The following R3HCC1L variants were observed in gnomAD, a reference collection of about 807,000 sequenced individuals.
R3HCC1L encodes the protein coiled-coil domain-containing protein R3HCC1L.
Under a neutral mutation model 59.9 loss-of-function variants are expected in R3HCC1L, and 51 were observed. The ratio of observed to expected loss-of-function variants is 0.85; its 90% confidence interval spans 0.68 to 1.07. The LOEUF (loss-of-function observed/expected upper bound fraction) is 1.07. R3HCC1L is among the 50% of genes least tolerant of loss of function. R3HCC1L has a pLI of 0.00. For missense variants in R3HCC1L, 965 were observed against 933.0 expected (o/e 1.03, Z -0.45); for synonymous variants, 322 against 315.2 (o/e 1.02, Z -0.23).
At chr10:98,242,383 A>G (rs1396207449) in intron 9 of R3HCC1L, among the ~76,000 whole-genome samples, 1 of 152,134 alleles carries the variant, frequency 6.6e-6, no homozygotes, top group Non-Finnish European at 1.5e-5. Flanking sequence ...AACTTTCCAG[A>G]TTTTAGAAAG....
At chr10:98,214,825 G>A (rs544913692) in intron 5 of R3HCC1L, among the ~76,000 whole-genome samples, 1 of 152,302 alleles carries the variant, frequency 6.6e-6, no homozygotes, top group African/African-American at 2.4e-5. Context: ...AAAGTGGAAT[G>A]TTAGCATTTA....
chr10:98,230,284 T>G (rs61875304), intron 5 of R3HCC1L, among the ~76,000 whole-genome samples: 28,199 of 152,090 alleles, frequency 0.19, 2,747 homozygotes, highest in Non-Finnish European at 0.21. Flanking sequence ...ATTCAGAGAT[T>G]CAACTTCTTC....
At chr10:98,179,270 G>T (rs1849377187) in intron 4 of R3HCC1L, among the ~76,000 whole-genome samples, 1 of 152,192 alleles carries the variant, frequency 6.6e-6, no homozygotes, top group Non-Finnish European at 1.5e-5. Flanking sequence ...TTTTTAGCAT[G>T]AAAGGTTGTT....
chr10:98,205,132 A>G (rs1337182173), intron 4 of R3HCC1L, among the ~76,000 whole-genome samples: 1 of 152,236 alleles, frequency 6.6e-6, no homozygotes, highest in Non-Finnish European at 1.5e-5. Flanking sequence ...TTAAAATTAC[A>G]TTTTAAAAGC....
At chr10:98,212,405 G>T (rs1226908131) in intron 5 of R3HCC1L, among the ~76,000 whole-genome samples, 2 of 152,258 alleles carry the variant, frequency 1.3e-5, no homozygotes, top group East Asian at 1.9e-4. Context: ...TAATAGTCAG[G>T]TATGCTGTAG....
intron 4 of R3HCC1L, among the ~76,000 whole-genome samples, chr10:98,184,059 G>A (rs192011048): frequency 9.7e-5 from 14 of 144,982 alleles, no homozygotes; most frequent in East Asian, 2.0e-4. Context: ...TTCCTGAGAC[G>A]TGTGTGTGTG....
chr10:98,150,625 T>C (rs1472552558), intron 1 of R3HCC1L, among the ~76,000 whole-genome samples: 1 of 152,158 alleles, frequency 6.6e-6, no homozygotes, highest in African/African-American at 2.4e-5. Flanking sequence ...CTGCCCCTCC[T>C]GCATGGGAGG....
intron 4 of R3HCC1L, among the ~76,000 whole-genome samples, chr10:98,203,846 G>T (rs926954355): frequency 2.6e-5 from 4 of 152,074 alleles, no homozygotes; most frequent in Admixed American, 2.0e-4. Context: ...TGATCCCAGT[G>T]TTCAACAGTA....
chr10:98,161,630 AT>A (rs1240535361), intron 2 of R3HCC1L, among the ~76,000 whole-genome samples: 1 of 152,074 alleles, frequency 6.6e-6, no homozygotes, highest in African/African-American at 2.4e-5. Flanking sequence ...GTTAATTTGG[AT>A]CCTTGATCCA....
intron 4 of R3HCC1L, among the ~76,000 whole-genome samples, chr10:98,193,374 AAAAAT>A (rs1275539063): frequency 7.2e-5 from 11 of 152,072 alleles, no homozygotes; most frequent in Non-Finnish European, 2.9e-5. Flanking sequence ...CAAAACCAAA[AAAAAT>A]AAAAAATAAA....
At chr10:98,179,921 C>G (rs1849464580) in intron 4 of R3HCC1L, among the ~76,000 whole-genome samples, 1 of 152,132 alleles carries the variant, frequency 6.6e-6, no homozygotes, top group Non-Finnish European at 1.5e-5. Context: ...TCCCATTTAT[C>G]ATTTTTTATT....
chr10:98,201,072 C>A (rs1232956537), intron 4 of R3HCC1L, among the ~76,000 whole-genome samples: 2 of 152,152 alleles, frequency 1.3e-5, no homozygotes, highest in Non-Finnish European at 2.9e-5. Context: ...AAATGAACAG[C>A]TAGGCATTTG....
intron 1 of R3HCC1L, among the ~76,000 whole-genome samples, chr10:98,145,165 T>A (rs1485667317): frequency 6.6e-6 from 1 of 152,230 alleles, no homozygotes; most frequent in Non-Finnish European, 1.5e-5. Flanking sequence ...AAAACAGTGT[T>A]TGACTAAGGC....
At chr10:98,187,081 C>T (rs1159018071) in intron 4 of R3HCC1L, among the ~76,000 whole-genome samples, 3 of 152,126 alleles carry the variant, frequency 2.0e-5, no homozygotes, top group Non-Finnish European at 4.4e-5. Flanking sequence ...GTGCTTCATT[C>T]ATTGACTTAT....
intron 5 of R3HCC1L, among the ~76,000 whole-genome samples, chr10:98,219,929 A>G (rs1415437313): frequency 6.6e-6 from 1 of 152,152 alleles, no homozygotes; most frequent in Non-Finnish European, 1.5e-5. Flanking sequence ...TATCTCTTAC[A>G]AGACTTGGGA....
intron 4 of R3HCC1L, chr10:98,174,526 C>G (rs1263891721): frequency 1.1e-6 from 1 of 890,974 alleles, no homozygotes; most frequent in African/African-American, 1.8e-5. Context: ...ATAAATGAAA[C>G]AGTTGAATAA....
intron 5 of R3HCC1L, among the ~76,000 whole-genome samples, chr10:98,217,757 G>A (rs1484404301): frequency 2.6e-5 from 4 of 151,246 alleles, no homozygotes; most frequent in Admixed American, 6.6e-5. Context: ...TTACTCCTAG[G>A]TATTTTATTT....
chr10:98,187,056 C>T (rs1417643610), intron 4 of R3HCC1L, among the ~76,000 whole-genome samples: 2 of 152,058 alleles, frequency 1.3e-5, no homozygotes, highest in Non-Finnish European at 2.9e-5. Flanking sequence ...ATGATGTATA[C>T]AAGCACTTAA....
chr10:98,143,104 CA>C (rs1262286019), intron 1 of R3HCC1L, among the ~76,000 whole-genome samples: 1 of 152,190 alleles, frequency 6.6e-6, no homozygotes, highest in African/African-American at 2.4e-5. Context: ...TCTGGTCCCA[CA>C]AGTTTTGGAT....
Sources: gnomAD v4.1 joint callset for allele counts (sites outside exome capture counted in the v4.1 genomes callset) on GRCh38, gnomAD v4.1.1 for gene constraint, MANE v1.5 for transcripts, NCBI Gene and HGNC (gene_info 2026-07-23, HGNC 2026-07-21) for gene names.